Variants in UBE4B observed in about 807,000 individuals in gnomAD.
UBE4B encodes ubiquitin conjugation factor E4 B.
A neutral mutation model predicts 148.1 loss-of-function variants in UBE4B; 27 were observed. The ratio of observed to expected loss-of-function variants is 0.18; its 90% confidence interval spans 0.13 to 0.25. UBE4B has a LOEUF of 0.25. UBE4B is among the 10% of genes least tolerant of loss of function. The probability of loss-of-function intolerance (pLI) is 1.00; values close to 1 mark genes in which losing one functional copy is unlikely to be tolerated. For synonymous variants in UBE4B, 596 were observed against 619.3 expected, an observed-to-expected ratio of 0.96 and a Z score of 0.56; for missense variants, 1,170 against 1,662.4, an observed-to-expected ratio of 0.70 and a Z score of 5.15.
chr1:10,044,338 A>G (rs375853189), intron 1 of UBE4B, among the ~76,000 whole-genome samples: 12 of 151,970 alleles, frequency 7.9e-5, no homozygotes, highest in African/African-American at 2.9e-4. Context: ...TACAGGTGGG[A>G]GCCACCGCGC....
chr1:10,056,558 A>G (rs1245015232), intron 1 of UBE4B, among the ~76,000 whole-genome samples: 2 of 152,222 alleles, frequency 1.3e-5, no homozygotes, highest in African/African-American at 4.8e-5. Flanking sequence ...TAAGCTGATA[A>G]ATACATACTA....
chr1:10,096,585 G>A (rs1243855994), intron 3 of UBE4B, among the ~76,000 whole-genome samples: 1 of 152,152 alleles, frequency 6.6e-6, no homozygotes, highest in Non-Finnish European at 1.5e-5. Context: ...AGCTGGGCCT[G>A]GTGGCAGGCG....
intron 16 of UBE4B, 55 bp downstream of exon 16, chr1:10,135,241 CT>C: frequency 6.8e-7 from 1 of 1,480,862 alleles, no homozygotes; most frequent in Non-Finnish European, 9.3e-7. Flanking sequence ...TGTCTGTGTG[CT>C]AGTAGTTCCT....
At chr1:10,158,589 C>T (rs56167268) in intron 22 of UBE4B, 107 bp downstream of exon 22, 3 of 1,424,596 alleles carry the variant, frequency 2.1e-6, no homozygotes, top group Non-Finnish European at 2.8e-6. Flanking sequence ...TTTGCTTGGT[C>T]TCAGACTCCT....
At chr1:10,099,311 A>T (rs913586568) in intron 3 of UBE4B, among the ~76,000 whole-genome samples, 2 of 152,202 alleles carry the variant, frequency 1.3e-5, no homozygotes, top group Admixed American at 1.3e-4. Context: ...AGAAGTGTAT[A>T]TTTAAAATCA....
chr1:10,094,432 T>G (rs1644896413), intron 2 of UBE4B, among the ~76,000 whole-genome samples: 1 of 151,760 alleles, frequency 6.6e-6, no homozygotes, highest in Non-Finnish European at 1.5e-5. Context: ...ATTCTATCAT[T>G]AACTTTTTTT....
chr1:10,071,962 C>T, intron 1 of UBE4B, 66 bp from the exon 2 acceptor site: 1 of 1,463,898 alleles, frequency 6.8e-7, no homozygotes, highest in Non-Finnish European at 9.1e-7. Flanking sequence ...TGAATAATGT[C>T]ATTCTCTGGC....
Position 10,161,597 on chromosome 1 carries a change from A to G in UBE4B, c.3198+311A>G, listed in dbSNP as rs1646161144. 6.6e-6 allele frequency among the ~76,000 whole-genome samples: 1 copy of G among 152,234 alleles called. No individual in the cohort carries two copies. Among genetic ancestry groups the G allele is most frequent in the South Asian group, 2.1e-4 (1 of 4,836 alleles). Reference sequence around the variant, plus strand: ...TATATTAATATTCATGAACATAATTAGGAAAGAAATCTCTAGAATTATGTC... The same window carrying G: ...TATATTAATATTCATGAACATAATTGGGAAAGAAATCTCTAGAATTATGTC... On this transcript the variant is annotated intron_variant, in intron 23 of 27. Transcript: ENST00000343090. This position sits in a 1 kb window ranked among gnomAD's most constrained non-coding sequence, Gnocchi z 4.1.
chr1:10,169,251 C>T (rs998701540), intron 24 of UBE4B, among the ~76,000 whole-genome samples: 4 of 152,292 alleles, frequency 2.6e-5, no homozygotes, highest in African/African-American at 9.6e-5. Flanking sequence ...ACCTAAGATT[C>T]GGTAGCCATT....
intron 2 of UBE4B, chr1:10,072,617 G>T (rs1318368039): frequency 1.1e-5 from 7 of 639,934 alleles, no homozygotes; most frequent in Non-Finnish European, 1.4e-5. Flanking sequence ...TCTTCATTCT[G>T]CATTGGCACA....
intron 21 of UBE4B, among the ~76,000 whole-genome samples, chr1:10,151,905 TTAACACTATCCTA>T (rs1332466973): frequency 6.6e-6 from 1 of 152,122 alleles, no homozygotes; most frequent in Non-Finnish European, 1.5e-5. Flanking sequence ...CATTTGTTTT[TTAACACTATCCTA>T]TAACCCACTT....
intron 10 of UBE4B, among the ~76,000 whole-genome samples, chr1:10,124,323 A>G (rs1455083995): frequency 6.6e-6 from 1 of 152,062 alleles, no homozygotes; most frequent in Non-Finnish European, 1.5e-5. Context: ...CACCATGCCC[A>G]GCTAATTTTT....
chr1:10,179,778 C>T (rs1034592628), intron 27 of UBE4B, 117 bp from the exon 28 acceptor site: 10 of 1,421,286 alleles, frequency 7.0e-6, no homozygotes, highest in African/African-American at 1.4e-5. Flanking sequence ...CTGGAGTCTT[C>T]GGCTCAATGA....
intron 24 of UBE4B, among the ~76,000 whole-genome samples, chr1:10,169,763 C>T (rs1045407649): frequency 2.5e-4 from 38 of 152,190 alleles, no homozygotes; most frequent in African/African-American, 9.2e-4. Flanking sequence ...GCCTGTAATC[C>T]CAGCACTTTG....
intron 7 of UBE4B, among the ~76,000 whole-genome samples, chr1:10,114,859 A>G (rs1441954540): frequency 6.6e-6 from 1 of 151,992 alleles, no homozygotes; most frequent in African/African-American, 2.4e-5. Context: ...GCGAGACTCC[A>G]TCTCAAAAAA....
chr1:10,040,677 G>A (rs1643723791), intron 1 of UBE4B, among the ~76,000 whole-genome samples: 1 of 151,392 alleles, frequency 6.6e-6, no homozygotes, highest in South Asian at 2.1e-4. Flanking sequence ...GAGTGCAATG[G>A]CGCGATCTCA....
rs2102052169 is a variant in UBE4B at position 10,180,625 on chromosome 1, T to G, written c.*669T>G. 1 of 152,702 alleles carries G rather than the reference T, an allele frequency of 6.5e-6. No individual in the cohort carries two copies. Among genetic ancestry groups the G allele is most frequent in the Admixed American group, 6.5e-5 (1 of 15,270 alleles). The allele number at this position is 152,702 out of a possible 1,614,324, so 9.5% of individuals were successfully genotyped here. A position where few individuals can be genotyped will look rare whatever the true frequency, so the allele number is the denominator to read the frequency against. On this transcript the variant is annotated 3_prime_UTR_variant, in exon 28 of 28. Coordinates refer to ENST00000343090, the MANE Select transcript of UBE4B (RefSeq NM_001105562.3). Reference sequence around the variant, plus strand: ...CAGAATTTGAATTTCAGTTTTTTTTTTCTTTTGAAATGTCCCTTTAAGATT... The same window carrying G: ...CAGAATTTGAATTTCAGTTTTTTTTGTCTTTTGAAATGTCCCTTTAAGATT...
At chr1:10,065,625 A>T (rs1355091090) in intron 1 of UBE4B, among the ~76,000 whole-genome samples, 1 of 152,134 alleles carries the variant, frequency 6.6e-6, no homozygotes, top group African/African-American at 2.4e-5. Flanking sequence ...TAGTGTTCCC[A>T]TTAGAGGCTG....
At chr1:10,157,500 T>C (rs1646092840) in intron 21 of UBE4B, among the ~76,000 whole-genome samples, 1 of 151,676 alleles carries the variant, frequency 6.6e-6, no homozygotes. Flanking sequence ...AATAAAATAG[T>C]TGGGCACGGT....
Sources: allele counts gnomAD v4.1 joint callset (sites outside exome capture counted in the v4.1 genomes callset), GRCh38; gene constraint gnomAD v4.1.1; non-coding constraint Gnocchi (gnomAD v3.1); transcripts MANE v1.5; gene names NCBI Gene and HGNC (gene_info 2026-07-23, HGNC 2026-07-21).